Variants in RNF213 observed in about 807,000 individuals in gnomAD.
RNF213 encodes E3 ubiquitin-protein ligase RNF213.
In RNF213, 341 loss-of-function variants were observed where a neutral mutation model predicts 514.4. The ratio of observed to expected loss-of-function variants is 0.66; its 90% CI spans 0.61 to 0.73. RNF213 has a LOEUF of 0.73. Among genes scored for constraint, RNF213 ranks in the 30% least tolerant of loss-of-function variants. The pLI is 0.00. For synonymous variants in RNF213, 2,655 were observed against 2,658.2 expected (o/e 1.00, Z 0.04); for missense variants, 5,767 against 6,615.6 (o/e 0.87, Z 4.45).
chr17:80,389,139 C>G (rs2080359887), intron 64 of RNF213, 34 bp from the exon 65 acceptor site: 1 of 1,605,028 alleles, frequency 6.2e-7, no homozygotes, highest in Admixed American at 1.7e-5. Context: ...AAACCCAGCC[C>G]ACAGACATCC....
At chr17:80,278,812 G>A in intron 3 of RNF213, 3 of 1,537,214 alleles carry the variant, frequency 2.0e-6, no homozygotes, top group Middle Eastern at 1.7e-4. Flanking sequence ...CCTCATATCC[G>A]ATGAATGGGA....
intron 2 of RNF213, among the ~76,000 whole-genome samples, chr17:80,267,560 C>T (rs1056091918): frequency 1.3e-5 from 2 of 152,172 alleles, no homozygotes; most frequent in Non-Finnish European, 2.9e-5. Context: ...CACAACATTC[C>T]CTTAAACCAC....
rs559642783 is a variant in RNF213 at position 80,261,080 on chromosome 17, G to A, written c.-109+178G>A. ...CCGCCGGGGTGCCCGGTCCAGCCCC[G>A]CCCGCGGCGCCCACTGACCCTGTTC... On this transcript the variant is annotated intron_variant, in intron 1 of 67. Transcript: ENST00000582970. 6.6e-4 allele frequency among the ~76,000 whole-genome samples: 101 copies of A among 151,980 alleles called. 2 individuals carry two copies. In the East Asian group the frequency reaches 0.018, roughly 27 times the overall value.
intron 28 of RNF213, 102 bp downstream of exon 28, chr17:80,344,117 C>T: frequency 8.0e-7 from 1 of 1,254,994 alleles, no homozygotes; most frequent in Non-Finnish European, 1.1e-6. Flanking sequence ...ACATCTTTGC[C>T]TTACTTAGTG....
chr17:80,369,440 C>T lies in RNF213; in HGVS notation c.12156-62C>T, dbSNP rs951613408. On this transcript the variant is annotated intron_variant, in intron 44 of 67. Coordinates refer to ENST00000582970, the MANE Select transcript of RNF213 (RefSeq NM_001256071.3). ...GTGAAATGCTGTGCAAATCTCAAGT[C>T]ATTCTGTAAGGAGGCATTTGGGAAA... The T allele has an allele frequency of 2.9e-6, 4 of 1,397,154 alleles. No homozygotes were observed. The South Asian group carries it at 3.5e-5, about 12-fold the overall frequency. 86.5% of individuals were successfully genotyped at this position (1,397,154 alleles called of 1,614,324 possible).
chr17:80,291,857 C>T (rs758714165), intron 8 of RNF213, 30 bp downstream of exon 8: 1 of 1,612,192 alleles, frequency 6.2e-7, no homozygotes, highest in African/African-American at 1.3e-5. Context: ...TGTCTGCTCA[C>T]CCCTCCGGAG....
chr17:80,305,885 G>A (rs1414273298), intron 11 of RNF213, among the ~76,000 whole-genome samples: 1 of 152,134 alleles, frequency 6.6e-6, no homozygotes, highest in Non-Finnish European at 1.5e-5. Context: ...CTCCCAAAGT[G>A]CTGGGATTCA....
chr17:80,303,901 G>A (rs2045268777), intron 11 of RNF213, among the ~76,000 whole-genome samples: 1 of 150,412 alleles, frequency 6.6e-6, no homozygotes, highest in Non-Finnish European at 1.5e-5. Flanking sequence ...TCTAATTAAA[G>A]CTACAACAAA....
intron 3 of RNF213, among the ~76,000 whole-genome samples, chr17:80,281,473 CACACCCCCCA>C: frequency 7.0e-6 from 1 of 142,234 alleles, no homozygotes; most frequent in Middle Eastern, 3.7e-3. Context: ...ACAACACTCA[CACACCCCCCA>C]ACATACATAC....
At chr17:80,279,884 G>T (rs1032347875) in intron 3 of RNF213, among the ~76,000 whole-genome samples, 2 of 152,326 alleles carry the variant, frequency 1.3e-5, no homozygotes, top group Admixed American at 1.3e-4. Context: ...GGAAAAGCAA[G>T]GGAGCTTCAT....
At chr17:80,313,205 A>C in intron 15 of RNF213, 38 bp downstream of exon 15, 1 of 1,613,314 alleles carries the variant, frequency 6.2e-7, no homozygotes, top group Non-Finnish European at 8.5e-7. Flanking sequence ...TAGGGATGTG[A>C]CTGATCGTGA....
chr17:80,379,230 A>C (rs1263442700), intron 54 of RNF213, among the ~76,000 whole-genome samples: 1 of 152,250 alleles, frequency 6.6e-6, no homozygotes, highest in African/African-American at 2.4e-5. Flanking sequence ...AATGAATATA[A>C]GGAAGTCAGT....
rs2077916919 is a variant in RNF213, at chr17:80,334,176, G to C, written c.4215G>C (p.Lys1405Asn). Residue 1405 changes from lysine to asparagine, a missense_variant, in exon 22 of 68, where the codon AAG (lysine) becomes AAC (asparagine). This residue lies in a region of RNF213 where 516 missense variants were observed against 566.5 expected (regional missense o/e 0.91). Coordinates refer to ENST00000582970, the MANE Select transcript of RNF213 (RefSeq NM_001256071.3). Reference protein sequence around the residue: ...QINQELIQAKKLLQDISEARC... With the variant: ...QINQELIQAKNLLQDISEARC... The stretch of plus-strand genomic sequence containing the variant: ...ACCAGGAGCTCATCCAGGCCAAAAA[G>C]CTGCTCCAGGACATCAGCGAGGCCC... The C allele has an allele frequency of 1.3e-6, 2 of 1,537,248 alleles. No homozygotes were observed. The highest frequency in any genetic ancestry group is 4.9e-5 in the East Asian group (2 of 40,924).
At chr17:80,327,575 C>T (rs548285142) in intron 18 of RNF213, among the ~76,000 whole-genome samples, 4 of 151,926 alleles carry the variant, frequency 2.6e-5, no homozygotes, top group South Asian at 2.1e-4. Flanking sequence ...TTGGCCATTG[C>T]GGGAAGTCAT....
In RNF213 at chr17:80,332,289, C is replaced by T; in HGVS notation, c.3801C>T (p.His1267=). The change falls in exon 21 of 68, where the codon CAC becomes CAT. Residue 1267 remains histidine, a synonymous_variant. Transcript: ENST00000582970. ...AGCCCGAAGAAGAATCAGAAAGGCA[C>T]ATCCTTGAGCTTGAAGAGGTGTATG... is the stretch of plus-strand genomic sequence containing the variant. ...LSEPEEESER[H]ILELEEVYDY... 1.3e-6 allele frequency: 2 copies of T among 1,537,212 alleles called. No homozygotes were observed. The highest frequency in any genetic ancestry group is 1.7e-6 in the Non-Finnish European group (2 of 1,146,914).
chr17:80,331,591 G>A (rs909247173), intron 20 of RNF213, among the ~76,000 whole-genome samples: 12 of 152,198 alleles, frequency 7.9e-5, no homozygotes, highest in Admixed American at 1.3e-4. Flanking sequence ...GTTTTGTCAT[G>A]TTGGCCAGGC....
chr17:80,266,059 C>G lies in RNF213; in HGVS notation c.97+2281C>G, dbSNP rs141071032. Among the ~76,000 whole-genome samples, 102 of 152,242 alleles carry G rather than the reference C, an allele frequency of 6.7e-4. No homozygotes were observed. In the East Asian group the frequency reaches 7.0e-3, roughly 10 times the overall value. ...GGTTGAGTTTAGTAGTGTGGGCCCA[C>G]TAGCAGAGATTATGCATTTCATGTT... On this transcript the variant is annotated intron_variant, in intron 2 of 67. Coordinates refer to ENST00000582970, the MANE Select transcript of RNF213 (RefSeq NM_001256071.3).
chr17:80,389,490 GAAC>G, intron 65 of RNF213, 123 bp downstream of exon 65: 2 of 842,282 alleles, frequency 2.4e-6, no homozygotes, highest in East Asian at 2.6e-5. Context: ...GGGGAGACAA[GAAC>G]AACTGCTCAC....
chr17:80,375,701 T>G lies in RNF213; in HGVS notation c.13075-59T>G. On this transcript the variant is annotated intron_variant, in intron 50 of 67. Coordinates refer to ENST00000582970, the MANE Select transcript of RNF213 (RefSeq NM_001256071.3). Reference sequence around the variant, plus strand: ...CTGGGTGACAGAGCAAGACTCCATCTCAAAAAAAAAAGATGTGTTGAGCTT... The same window carrying G: ...CTGGGTGACAGAGCAAGACTCCATCGCAAAAAAAAAAGATGTGTTGAGCTT... The G allele has an allele frequency of 9.2e-6, 11 of 1,196,658 alleles. No homozygotes were observed. The South Asian group carries it at 1.3e-4, about 15-fold the overall frequency. The allele number at this position is 1,196,658 out of a possible 1,614,324, so 74.1% of individuals were successfully genotyped here.
Sources: allele counts gnomAD v4.1 joint callset (sites outside exome capture counted in the v4.1 genomes callset), GRCh38; gene constraint gnomAD v4.1.1; regional missense constraint gnomAD v4.1.1; transcripts MANE v1.5; gene names NCBI Gene and HGNC (gene_info 2026-07-23, HGNC 2026-07-21).